The following PTPRK variants were observed in gnomAD, a reference collection of about 807,000 sequenced individuals.
PTPRK encodes the protein protein tyrosine phosphatase receptor type K, also known as receptor-type tyrosine-protein phosphatase kappa.
PTPRK carries 75 observed loss-of-function variants against 178.0 expected under a neutral mutation model. That is an observed-to-expected ratio of 0.42 (90% CI 0.35 to 0.51). The LOEUF is 0.51. PTPRK is among the 20% of genes least tolerant of loss of function. The pLI, the probability that PTPRK is intolerant of heterozygous loss-of-function variation, is 0.02. For synonymous variants in PTPRK, 637 were observed against 620.6 expected (o/e 1.03, Z -0.39); for missense variants, 1,441 against 1,797.8 (o/e 0.80, Z 3.59).
chr6:127,991,819 T>A (rs1367604580), intron 19 of PTPRK, among the ~76,000 whole-genome samples: 2 of 151,684 alleles, frequency 1.3e-5, no homozygotes, highest in Non-Finnish European at 3.0e-5. Flanking sequence ...TCCTTACACG[T>A]AAGGACATAT....
chr6:128,226,056 G>C (rs1811238077), intron 5 of PTPRK, among the ~76,000 whole-genome samples: 1 of 152,144 alleles, frequency 6.6e-6, no homozygotes, highest in Admixed American at 6.5e-5. Flanking sequence ...GAGAAAAGGT[G>C]ACCAATAAGA....
chr6:127,970,325 G>A (rs373361909), intron 29 of PTPRK, 45 bp from the exon 30 acceptor site: 3 of 1,479,770 alleles, frequency 2.0e-6, no homozygotes, highest in Non-Finnish European at 1.9e-6. Flanking sequence ...TTAAGAAAGA[G>A]ACTAATGTTG....
chr6:128,009,520 T>C (rs185365193), intron 13 of PTPRK, among the ~76,000 whole-genome samples: 13 of 151,254 alleles, frequency 8.6e-5, no homozygotes, highest in Middle Eastern at 3.4e-3. Flanking sequence ...TCAAAGAGAA[T>C]GATGAACTAG....
chr6:128,491,258 C>T (rs1344197309), intron 1 of PTPRK, among the ~76,000 whole-genome samples: 1 of 152,166 alleles, frequency 6.6e-6, no homozygotes, highest in Non-Finnish European at 1.5e-5. Context: ...TGCAGTCTGT[C>T]TTTAAGATTT....
intron 7 of PTPRK, among the ~76,000 whole-genome samples, chr6:128,175,539 T>C (rs1348318348): frequency 1.3e-5 from 2 of 151,764 alleles, no homozygotes; most frequent in Non-Finnish European, 2.9e-5. Context: ...GTGATGGTGA[T>C]AATGTTCTGT....
chr6:128,019,208 T>C (rs1456697200), intron 13 of PTPRK, among the ~76,000 whole-genome samples: 5 of 152,218 alleles, frequency 3.3e-5, no homozygotes, highest in Non-Finnish European at 7.3e-5. Context: ...TTAATAGTTC[T>C]AGTATTAACT....
intron 7 of PTPRK, among the ~76,000 whole-genome samples, chr6:128,129,798 C>T (rs1793932933): frequency 6.6e-6 from 1 of 152,128 alleles, no homozygotes. Flanking sequence ...AGGCATGTCC[C>T]TACTCCCATT....
chr6:127,998,747 G>A lies in PTPRK; in HGVS notation c.2652C>T (p.Asp884=). Residue 884 remains aspartate (D), a synonymous_variant, in exon 16 of 30, where the codon GAC becomes GAT. Transcript: ENST00000368226. ...LQHINLMKTS[D]SYGFKEEYES... is the part of the protein sequence containing the mutation. The stretch of plus-strand genomic sequence containing the variant: ...CATATTCCTCTTTGAACCCATAGCT[G>A]TCTGATGTCTTCATGAGATTAATGT... The A allele has an allele frequency of 1.9e-6, 3 of 1,600,196 alleles. No individual in the cohort carries two copies. Among genetic ancestry groups the A allele is most frequent in the Non-Finnish European group, 2.6e-6 (3 of 1,171,604 alleles).
chr6:128,206,062 A>G (rs528467687), intron 6 of PTPRK, among the ~76,000 whole-genome samples: 4 of 152,082 alleles, frequency 2.6e-5, no homozygotes, highest in Non-Finnish European at 5.9e-5. Flanking sequence ...TGAAAACTAG[A>G]TATTACCATA....
intron 3 of PTPRK, among the ~76,000 whole-genome samples, chr6:128,302,283 T>C (rs1825742313): frequency 6.7e-6 from 1 of 148,602 alleles, no homozygotes; most frequent in Non-Finnish European, 1.5e-5. Flanking sequence ...TCCCAGCTAC[T>C]AGGGAGGCTG....
chr6:128,295,801 A>G (rs940379104), intron 3 of PTPRK, among the ~76,000 whole-genome samples: 6 of 152,118 alleles, frequency 3.9e-5, no homozygotes, highest in Non-Finnish European at 5.9e-5. Flanking sequence ...GAAACAGGAC[A>G]TATGCAGAGC....
chr6:128,497,198 A>T (rs1327586469), intron 1 of PTPRK, among the ~76,000 whole-genome samples: 2 of 152,244 alleles, frequency 1.3e-5, no homozygotes, highest in Admixed American at 6.5e-5. Flanking sequence ...TCAGTAGCAG[A>T]ACACTAATTT....
intron 1 of PTPRK, among the ~76,000 whole-genome samples, chr6:128,418,141 A>C (rs1173468470): frequency 6.6e-6 from 1 of 152,240 alleles, no homozygotes; most frequent in Non-Finnish European, 1.5e-5. Context: ...AGGTCTAACC[A>C]TCTAAAATCC....
intron 3 of PTPRK, among the ~76,000 whole-genome samples, chr6:128,287,772 T>C (rs1192925017): frequency 6.6e-6 from 1 of 152,202 alleles, no homozygotes; most frequent in Non-Finnish European, 1.5e-5. Flanking sequence ...AGCATTTGAC[T>C]ATTTGCTTTT....
chr6:128,441,806 A>G (rs975039969), intron 1 of PTPRK, among the ~76,000 whole-genome samples: 2 of 152,214 alleles, frequency 1.3e-5, no homozygotes, highest in Non-Finnish European at 2.9e-5. Flanking sequence ...TCACTATTGC[A>G]GTAATAACAA....
intron 19 of PTPRK, among the ~76,000 whole-genome samples, chr6:127,991,920 A>G (rs1027131620): frequency 1.1e-4 from 17 of 151,772 alleles, no homozygotes; most frequent in African/African-American, 3.6e-4. Flanking sequence ...GTTCACCACT[A>G]TGGTCGATCT....
intron 3 of PTPRK, among the ~76,000 whole-genome samples, chr6:128,292,404 T>C (rs967903860): frequency 2.6e-5 from 4 of 152,122 alleles, no homozygotes; most frequent in African/African-American, 9.7e-5. Context: ...TTTTAAAATA[T>C]ATTAAATAAC....
intron 1 of PTPRK, among the ~76,000 whole-genome samples, chr6:128,501,888 T>C (rs1855612992): frequency 6.6e-6 from 1 of 152,234 alleles, no homozygotes; most frequent in Non-Finnish European, 1.5e-5. Context: ...TAATGTATAT[T>C]TTGTAGATGT....
intron 12 of PTPRK, among the ~76,000 whole-genome samples, chr6:128,065,351 T>C (rs1781563579): frequency 6.6e-6 from 1 of 152,188 alleles, no homozygotes. Flanking sequence ...TCAGCATACA[T>C]AATTTTCCTC....
Sources: gnomAD v4.1 joint callset for allele counts (sites outside exome capture counted in the v4.1 genomes callset) on GRCh38, gnomAD v4.1.1 for gene constraint, MANE v1.5 for transcripts, NCBI Gene and HGNC (gene_info 2026-07-23, HGNC 2026-07-21) for gene names.